CACNA1E: variants seen among roughly 807,000 people sequenced by gnomAD.
CACNA1E encodes the protein voltage-dependent R-type calcium channel subunit alpha-1E.
A neutral mutation model predicts 259.2 loss-of-function variants in CACNA1E; 40 were observed. The observed-to-expected ratio is 0.15, with a 90% CI of 0.12 to 0.20. CACNA1E has a LOEUF of 0.20. Ranked by LOEUF, CACNA1E falls within the 10% of genes least tolerant of loss-of-function variation. The pLI is 1.00. For missense variants in CACNA1E, 1,874 were observed against 3,040.1 expected, an observed-to-expected ratio of 0.62 and a Z score of 9.02; for synonymous variants, 1,104 against 1,138.5, an observed-to-expected ratio of 0.97 and a Z score of 0.61.
At chr1:181,674,267 C>T (rs1481498312) in intron 7 of CACNA1E, among the ~76,000 whole-genome samples, 1 of 150,954 alleles carries the variant, frequency 6.6e-6, no homozygotes, top group Non-Finnish European at 1.5e-5. Context: ...GCAGCGTGCG[C>T]CTCTAGTCCC....
chr1:181,444,599 GAGA>G (rs1271196852), intron 2 of CACNA1E, among the ~76,000 whole-genome samples: 1 of 152,156 alleles, frequency 6.6e-6, no homozygotes, highest in Non-Finnish European at 1.5e-5. Context: ...TGAGATGGGT[GAGA>G]AGAAGAATAG....
At chr1:181,666,248 G>T (rs1648210368) in intron 7 of CACNA1E, among the ~76,000 whole-genome samples, 3 of 152,090 alleles carry the variant, frequency 2.0e-5, no homozygotes, top group Non-Finnish European at 4.4e-5. Context: ...GGATCCCATT[G>T]CCTAAACGAT....
intron 1 of CACNA1E, among the ~76,000 whole-genome samples, chr1:181,337,178 T>C (rs12144231): frequency 0.28 from 41,736 of 148,738 alleles, 6,074 homozygotes; most frequent in African/African-American, 0.31. Context: ...TTTTTTGAGA[T>C]GGAGTCTCAC....
upstream of CACNA1E, among the ~76,000 whole-genome samples, chr1:181,480,041 G>C (rs1279144715): frequency 6.6e-6 from 1 of 152,212 alleles, no homozygotes; most frequent in Non-Finnish European, 1.5e-5. Flanking sequence ...AGCACTTTGG[G>C]AGGCTGAGGC....
rs144697296 is a variant in CACNA1E at position 181,582,049 on chromosome 1, G to A, written c.951+1273G>A. Among the ~76,000 whole-genome samples, 258 of 152,312 alleles carry A rather than the reference G, an allele frequency of 1.7e-3. 5 individuals are homozygous for A. The highest frequency in any genetic ancestry group is 6.0e-3 in the African/African-American group (251 of 41,562). ...ACTCGACGAGACTATAATGCCCAAAGAGCAAGGATTGTGTAAGGCCTGTAA... is the reference window on the plus strand; with the variant it reads ...ACTCGACGAGACTATAATGCCCAAAAAGCAAGGATTGTGTAAGGCCTGTAA... On this transcript the variant is annotated intron_variant, in intron 6 of 47. Coordinates refer to ENST00000367573, the MANE Select transcript of CACNA1E (RefSeq NM_001205293.3).
At chr1:181,752,550 A>T (rs1390674463) in intron 27 of CACNA1E, among the ~76,000 whole-genome samples, 2 of 152,190 alleles carry the variant, frequency 1.3e-5, no homozygotes, top group African/African-American at 4.8e-5. Flanking sequence ...CTATGTCCCC[A>T]GTGCAGACCC....
At chr1:181,596,997 G>A (rs775545668) in intron 6 of CACNA1E, among the ~76,000 whole-genome samples, 18 of 152,074 alleles carry the variant, frequency 1.2e-4, no homozygotes, top group Non-Finnish European at 2.4e-4. Flanking sequence ...GAGAATGGGT[G>A]CAGATTGCAA....
intron 1 of CACNA1E, among the ~76,000 whole-genome samples, chr1:181,352,915 C>T (rs972793210): frequency 5.9e-5 from 9 of 152,048 alleles, no homozygotes; most frequent in Non-Finnish European, 1.0e-4. Context: ...AGCAGTGGGC[C>T]GGCTCCAGGA....
chr1:181,424,503 C>CGGTT (rs1355130414), intron 2 of CACNA1E, among the ~76,000 whole-genome samples: 5 of 152,206 alleles, frequency 3.3e-5, no homozygotes, highest in Non-Finnish European at 5.9e-5. Flanking sequence ...GCGAGCAGCG[C>CGGTT]GGTTTTCTGT....
intron 39 of CACNA1E, among the ~76,000 whole-genome samples, chr1:181,783,477 C>T (rs965990638): frequency 3.3e-5 from 5 of 151,264 alleles, no homozygotes; most frequent in African/African-American, 1.2e-4. Context: ...AACAAACAAA[C>T]TACAACAACA....
chr1:181,525,501 G>A (rs1667287615), intron 3 of CACNA1E, among the ~76,000 whole-genome samples: 1 of 152,164 alleles, frequency 6.6e-6, no homozygotes. Context: ...GCAAAGCCTA[G>A]GGGTAGTCAG....
At chr1:181,785,505 C>T (rs1022586858) in intron 42 of CACNA1E, 87 bp downstream of exon 42, 2 of 997,278 alleles carry the variant, frequency 2.0e-6, no homozygotes, top group Non-Finnish European at 3.1e-6. Context: ...GGCATAGTGC[C>T]CGGCAAGGAC....
At chr1:181,466,449 G>A (rs1387319521) in intron 2 of CACNA1E, among the ~76,000 whole-genome samples, 4 of 152,156 alleles carry the variant, frequency 2.6e-5, no homozygotes, top group African/African-American at 9.7e-5. Flanking sequence ...TCAGGAGGCT[G>A]AGACATGAGA....
At chr1:181,654,783 G>T (rs1031687649) in intron 7 of CACNA1E, among the ~76,000 whole-genome samples, 48 of 152,198 alleles carry the variant, frequency 3.2e-4, no homozygotes, top group Middle Eastern at 3.4e-3. Context: ...AGGAGATCGA[G>T]ACCATCCTGG....
chr1:181,492,835 G>T (rs1664433358), intron 1 of CACNA1E, among the ~76,000 whole-genome samples: 1 of 152,166 alleles, frequency 6.6e-6, no homozygotes. Flanking sequence ...CTTCCTGAAG[G>T]TCAGGAGATG....
intron 39 of CACNA1E, among the ~76,000 whole-genome samples, chr1:181,782,029 A>G (rs537909223): frequency 6.6e-6 from 1 of 152,346 alleles, no homozygotes; most frequent in South Asian, 2.1e-4. Context: ...AGGAAAACTC[A>G]TAACAAATGT....
At chr1:181,495,826 G>C (rs985971370) in intron 1 of CACNA1E, among the ~76,000 whole-genome samples, 5 of 152,176 alleles carry the variant, frequency 3.3e-5, no homozygotes, top group African/African-American at 1.2e-4. Flanking sequence ...TGTTAATGTT[G>C]ATAGAATTTA....
At chr1:181,583,915 T>C (rs1375385756) in intron 6 of CACNA1E, among the ~76,000 whole-genome samples, 2 of 152,182 alleles carry the variant, frequency 1.3e-5, no homozygotes, top group Non-Finnish European at 2.9e-5. Flanking sequence ...TTGCAAACTC[T>C]CTTCTTTACT....
chr1:181,763,264 C>A, intron 33 of CACNA1E, 142 bp from the exon 34 acceptor site: 1 of 663,534 alleles, frequency 1.5e-6, no homozygotes. Context: ...ACTGGCCAGC[C>A]CATCAGCTGG....
Sources: allele counts gnomAD v4.1 joint callset (sites outside exome capture counted in the v4.1 genomes callset), GRCh38; gene constraint gnomAD v4.1.1; transcripts MANE v1.5; gene names NCBI Gene and HGNC (gene_info 2026-07-23, HGNC 2026-07-21).